FOXN3: variants seen among roughly 807,000 people sequenced by gnomAD.
The protein encoded by FOXN3 is forkhead box protein N3.
Under a neutral mutation model 38.4 loss-of-function variants are expected in FOXN3, and 7 were observed. The ratio of observed to expected loss-of-function variants is 0.18; its 90% confidence interval spans 0.10 to 0.34. The LOEUF is 0.34. Among genes scored for constraint, FOXN3 ranks in the 10% least tolerant of loss-of-function variants. The pLI is 1.00. For missense variants in FOXN3, 456 were observed against 613.4 expected, an observed-to-expected ratio of 0.74 and a Z score of 2.71; for synonymous variants, 230 against 242.2, an observed-to-expected ratio of 0.95 and a Z score of 0.47.
chr14:89,335,672 C>T (rs1031970905), intron 3 of FOXN3, among the ~76,000 whole-genome samples: 6 of 152,256 alleles, frequency 3.9e-5, no homozygotes, highest in African/African-American at 1.4e-4. Flanking sequence ...TAAAAGGATG[C>T]TAATTATATC....
chr14:89,567,501 G>C (rs867865317), intron 1 of FOXN3, among the ~76,000 whole-genome samples: 1 of 141,660 alleles, frequency 7.1e-6, no homozygotes, highest in South Asian at 2.2e-4. Flanking sequence ...TAGGTACAAA[G>C]TGGCACTAAG....
rs183718128 is a variant in FOXN3 at position 89,536,170 on chromosome 14, G to C, written c.-15+82858C>G. ...ACAGATGAAAAGCCTTGCCAGCACT[G>C]TGTGGTGGCTATGGACATGGGGGCT... On this transcript the variant is annotated intron_variant, in intron 1 of 6. Coordinates refer to the FOXN3 transcript ENST00000345097. Among the ~76,000 whole-genome samples the C allele has an allele frequency of 2.0e-5, 3 of 152,292 alleles. 1 individual carries two copies. Among genetic ancestry groups the C allele is most frequent in the African/African-American group, 2.4e-5 (1 of 41,566 alleles).
At chr14:89,232,406 T>C (rs1566934991) in intron 4 of FOXN3, among the ~76,000 whole-genome samples, 1 of 152,240 alleles carries the variant, frequency 6.6e-6, no homozygotes, top group African/African-American at 2.4e-5. Flanking sequence ...CAGGAGACTA[T>C]GAACTGTTGC....
In FOXN3 at chr14:89,209,136, A is replaced by G. The variant is rs369822913; in HGVS notation, c.746-28330T>C. ...TATTCCATATATATGAATGATATAAACAAATGTGATGATAAAATCACAGGG... is the reference window on the plus strand; with the variant it reads ...TATTCCATATATATGAATGATATAAGCAAATGTGATGATAAAATCACAGGG... On this transcript the variant is annotated intron_variant, in intron 4 of 5. Coordinates refer to ENST00000557258, the MANE Select transcript of FOXN3 (RefSeq NM_005197.4). Among the ~76,000 whole-genome samples, 24 of 152,382 alleles carry G rather than the reference A, an allele frequency of 1.6e-4. No individual in the cohort carries two copies. The South Asian group carries it at 5.0e-3, about 32-fold the overall frequency.
At chr14:89,535,204 CTT>C (rs11455930) in intron 1 of FOXN3, among the ~76,000 whole-genome samples, 5 of 145,056 alleles carry the variant, frequency 3.4e-5, no homozygotes, top group African/African-American at 1.0e-4. Context: ...TTTCTTTCCT[CTT>C]TTTTTTTTTT....
intron 4 of FOXN3, among the ~76,000 whole-genome samples, chr14:89,188,248 A>G (rs1887859541): frequency 6.6e-6 from 1 of 152,212 alleles, no homozygotes; most frequent in African/African-American, 2.4e-5. Flanking sequence ...AAAAAGAAGT[A>G]TTTACAGTCT....
intron 1 of FOXN3, among the ~76,000 whole-genome samples, chr14:89,453,076 GTAA>G (rs1892646638): frequency 6.6e-6 from 1 of 152,060 alleles, no homozygotes; most frequent in African/African-American, 2.4e-5. Flanking sequence ...GCACATACCT[GTAA>G]TCCCAGATAC....
intron 1 of FOXN3, among the ~76,000 whole-genome samples, chr14:89,539,965 A>G (rs1369121409): frequency 1.3e-5 from 2 of 152,236 alleles, no homozygotes; most frequent in Admixed American, 1.3e-4. Context: ...ATTTTCAAGG[A>G]AATGAGTTTA....
At chr14:89,524,572 A>G (rs1894399333) in intron 1 of FOXN3, among the ~76,000 whole-genome samples, 1 of 151,720 alleles carries the variant, frequency 6.6e-6, no homozygotes. Context: ...CAGTATTATT[A>G]GGAAAAAAGG....
chr14:89,400,652 C>T (rs1318803908), intron 2 of FOXN3, among the ~76,000 whole-genome samples: 1 of 152,120 alleles, frequency 6.6e-6, no homozygotes, highest in Non-Finnish European at 1.5e-5. Context: ...ACATAACATT[C>T]TCCCCTTTCT....
chr14:89,325,363 A>ACCACTACCACCACCG, intron 3 of FOXN3, among the ~76,000 whole-genome samples: 1 of 121,264 alleles, frequency 8.2e-6, no homozygotes, highest in African/African-American at 3.1e-5. Flanking sequence ...CACCACCACT[A>ACCACTACCACCACCG]CCACCACCGC....
chr14:89,527,554 AT>A (rs1894457471), intron 1 of FOXN3, among the ~76,000 whole-genome samples: 1 of 152,188 alleles, frequency 6.6e-6, no homozygotes, highest in Admixed American at 6.5e-5. Flanking sequence ...CAACAATATA[AT>A]GGGCAAAAGA....
chr14:89,252,001 G>A (rs1413688627), intron 4 of FOXN3, among the ~76,000 whole-genome samples: 1 of 152,224 alleles, frequency 6.6e-6, no homozygotes, highest in Admixed American at 6.5e-5. Flanking sequence ...CTGAAACAGG[G>A]ATAGTTCTTT....
At chr14:89,437,571 T>C (rs1319776858) in intron 1 of FOXN3, among the ~76,000 whole-genome samples, 1 of 152,182 alleles carries the variant, frequency 6.6e-6, no homozygotes, top group African/African-American at 2.4e-5. Context: ...AGTTAAGGCA[T>C]TGACTGCTAT....
intron 3 of FOXN3, among the ~76,000 whole-genome samples, chr14:89,332,306 T>C (rs1471214300): frequency 1.3e-5 from 2 of 152,200 alleles, no homozygotes; most frequent in Admixed American, 6.5e-5. Flanking sequence ...GAAAATTATA[T>C]ACATATATTT....
chr14:89,241,800 C>T (rs935905257), intron 4 of FOXN3, among the ~76,000 whole-genome samples: 2 of 152,188 alleles, frequency 1.3e-5, no homozygotes, highest in Non-Finnish European at 2.9e-5. Flanking sequence ...AGATAAGAAT[C>T]TGGAGTCTCT....
chr14:89,163,951 C>T lies in FOXN3; in HGVS notation c.852-982G>A, dbSNP rs541736927. On this transcript the variant is annotated intron_variant, in intron 5 of 5. Coordinates refer to ENST00000557258, the MANE Select transcript of FOXN3 (RefSeq NM_005197.4). This position sits in a 1 kb window ranked among gnomAD's most constrained non-coding sequence, Gnocchi z 4.3. ...CCATGCCTATAAGGCGTCTGTAGCA[C>T]TCATCACACCTCTGATTATTTCTTT... Among the ~76,000 whole-genome samples, 1 of 152,374 alleles carries T rather than the reference C, an allele frequency of 6.6e-6. No individual in the cohort carries two copies. Among genetic ancestry groups the T allele is most frequent in the Non-Finnish European group, 1.5e-5 (1 of 68,034 alleles).
intron 3 of FOXN3, among the ~76,000 whole-genome samples, chr14:89,334,034 C>CAT (rs1888362153): frequency 6.9e-6 from 1 of 144,116 alleles, no homozygotes; most frequent in Non-Finnish European, 1.5e-5. Context: ...TATACACACA[C>CAT]ACACACACAC....
At chr14:89,178,211 A>G (rs1296113906) in intron 5 of FOXN3, among the ~76,000 whole-genome samples, 1 of 149,860 alleles carries the variant, frequency 6.7e-6, no homozygotes, top group Non-Finnish European at 1.5e-5. Context: ...AGTTTTCGCC[A>G]TGTTGCCCAG....
Sources: gnomAD v4.1 joint callset for allele counts (sites outside exome capture counted in the v4.1 genomes callset) on GRCh38, gnomAD v4.1.1 for gene constraint, Gnocchi (gnomAD v3.1) non-coding constraint, MANE v1.5 for transcripts, NCBI Gene and HGNC (gene_info 2026-07-23, HGNC 2026-07-21) for gene names.